Variants in ASB2 observed in about 807,000 individuals in gnomAD.
ASB2 encodes ankyrin repeat and SOCS box protein 2.
ASB2 carries 58 observed loss-of-function variants against 62.4 expected under a neutral mutation model. That is an observed-to-expected ratio of 0.93 (90% CI 0.75 to 1.16). The LOEUF (loss-of-function observed/expected upper bound fraction) is 1.16. Among genes scored for constraint, ASB2 ranks in the 50% most tolerant of loss-of-function variants. The probability of loss-of-function intolerance (pLI) is 0.00; values close to 1 mark genes in which losing one functional copy is unlikely to be tolerated. For synonymous variants in ASB2, 386 were observed against 385.3 expected (o/e 1.00, Z -0.02); for missense variants, 928 against 887.9 (o/e 1.05, Z -0.57).
intron 1 of ASB2, among the ~76,000 whole-genome samples, chr14:93,969,214 C>T (rs1889683356): frequency 6.6e-6 from 1 of 152,208 alleles, no homozygotes. Context: ...AGGAAACTCC[C>T]TGTCCCTGAA....
chr14:93,934,807 G>C lies in ASB2; in HGVS notation c.1772-15C>G. 2 of 1,609,046 alleles carry C rather than the reference G, an allele frequency of 1.2e-6. No individual in the cohort carries two copies. The highest frequency in any genetic ancestry group is 1.7e-6 in the Non-Finnish European group (2 of 1,175,470). On this transcript the variant is annotated splice_polypyrimidine_tract_variant and intron_variant, in intron 9 of 9. Transcript: ENST00000555019. ...TCTTGGAGGTTCTGAAAAAAGGAGG[G>C]AAAGACAGAGGCTGATTTGTCATTT...
intron 4 of ASB2, among the ~76,000 whole-genome samples, chr14:93,953,938 G>A (rs962608860): frequency 8.5e-5 from 13 of 152,172 alleles, no homozygotes; most frequent in East Asian, 3.9e-4. Context: ...GAGGAGGCAC[G>A]GCTGTCCCGC....
rs150874348 is a variant in ASB2, at chr14:93,973,533, G to A, written c.-74+2901C>T. On this transcript the variant is annotated intron_variant, in intron 1 of 9. Coordinates refer to ENST00000555019, the MANE Select transcript of ASB2 (RefSeq NM_001202429.2). ...TGCACAGGACATGCCCACTACCTGC[G>A]GCAGTGCCCACACCACCAGCTAAGA... is the stretch of plus-strand genomic sequence containing the variant. Among the ~76,000 whole-genome samples, 133 of 152,214 alleles carry A rather than the reference G, an allele frequency of 8.7e-4. 2 individuals are homozygous for A. The East Asian group carries it at 0.024, about 27-fold the overall frequency.
chr14:93,956,656 A>G lies in ASB2; in HGVS notation c.311+110T>C. 2.7e-6 allele frequency: 4 copies of G among 1,458,142 alleles called. No individual in the cohort carries two copies. In the East Asian group the frequency reaches 6.9e-5, roughly 25 times the overall value. 90.3% of individuals were successfully genotyped at this position (1,458,142 alleles called of 1,614,324 possible). On this transcript the variant is annotated intron_variant, in intron 3 of 9. Coordinates refer to ENST00000555019, the MANE Select transcript of ASB2 (RefSeq NM_001202429.2). ...AGGAGCGTGCCTGGCAGGTGCCTCCATAGTGCCCTCTGCCCTCCTGGGGGC... is the reference window on the plus strand; with the variant it reads ...AGGAGCGTGCCTGGCAGGTGCCTCCGTAGTGCCCTCTGCCCTCCTGGGGGC...
chr14:93,941,280 C>T (rs999296957), intron 7 of ASB2: 1 of 249,106 alleles, frequency 4.0e-6, no homozygotes, highest in African/African-American at 2.3e-5. Context: ...TGACAGGTGA[C>T]CTCACAGCCT....
rs960949800 is a variant in ASB2, at chr14:93,934,451, T to C, written c.*205A>G. ...GCTCATCAGTTTGTAAACAAATGAT[T>C]CTTCTCCTTGACACATTCTGTTCTC... On this transcript the variant is annotated 3_prime_UTR_variant, in exon 10 of 10. Transcript: ENST00000555019. 5 of 585,738 alleles carry C rather than the reference T, an allele frequency of 8.5e-6. No homozygotes were observed. The highest frequency in any genetic ancestry group is 1.5e-5 in the Non-Finnish European group (5 of 329,126). The allele number at this position is 585,738 out of a possible 1,614,324, so 36.3% of individuals were successfully genotyped here. A position where few individuals can be genotyped will look rare whatever the true frequency, so the allele number is the denominator to read the frequency against.
intron 7 of ASB2, among the ~76,000 whole-genome samples, chr14:93,944,386 C>G (rs970229146): frequency 6.6e-6 from 1 of 152,240 alleles, no homozygotes; most frequent in African/African-American, 2.4e-5. Flanking sequence ...TCAGCACACC[C>G]GCATGTCACC....
chr14:93,939,949 A>C, intron 7 of ASB2: 1 of 401,100 alleles, frequency 2.5e-6, no homozygotes, highest in Non-Finnish European at 4.4e-6. Context: ...TAAGGGGCAG[A>C]GCTGGGCTTC....
At chr14:93,940,121 A>C in intron 7 of ASB2, 2 of 160,196 alleles carry the variant, frequency 1.2e-5, no homozygotes, top group Non-Finnish European at 2.7e-5. Flanking sequence ...CCCAAACCCA[A>C]TGAATGTCCA....
At chr14:93,961,571 T>C (rs1889408700) in intron 2 of ASB2, among the ~76,000 whole-genome samples, 1 of 151,248 alleles carries the variant, frequency 6.6e-6, no homozygotes, top group South Asian at 2.1e-4. Context: ...CCCGGGAGAG[T>C]GGTCAGGGCA....
In ASB2 at chr14:93,956,834, G is replaced by A. The variant is rs747181826; in HGVS notation, c.243C>T (p.Ala81=). Residue 81 remains alanine, a synonymous_variant, in exon 3 of 10, where the codon GCC becomes GCT. Transcript: ENST00000555019. ...TGACCCCTTGGAACAAGCCCATTGGGGCCCGGGCCGGCGAACTCTCAGGAG... is the reference window on the plus strand; with the variant it reads ...TGACCCCTTGGAACAAGCCCATTGGAGCCCGGGCCGGCGAACTCTCAGGAG... ...TAPPESSPAR[A]PMGLFQGVMQ... is the part of the protein sequence containing the mutation. 12 of 1,614,066 alleles carry A rather than the reference G, an allele frequency of 7.4e-6. No individual in the cohort carries two copies. The highest frequency in any genetic ancestry group is 1.3e-5 in the African/African-American group (1 of 74,920).
intron 2 of ASB2, among the ~76,000 whole-genome samples, chr14:93,962,117 T>TG (rs1391020573): frequency 9.3e-6 from 1 of 107,906 alleles, no homozygotes; most frequent in East Asian, 3.5e-4. Context: ...CTTTTTTTTT[T>TG]TTTTTTTTTT....
intron 7 of ASB2, chr14:93,940,266 C>G (rs1198957305): frequency 1.3e-5 from 2 of 152,516 alleles, no homozygotes; most frequent in Admixed American, 6.5e-5. Flanking sequence ...AAAGGCTTTA[C>G]AAGTGCGATT....
intron 5 of ASB2, 66 bp downstream of exon 5, chr14:93,953,286 T>G: frequency 2.2e-6 from 3 of 1,394,274 alleles, no homozygotes; most frequent in Non-Finnish European, 2.9e-6. Flanking sequence ...GGAGCAACAT[T>G]CCCTGTTGCT....
In ASB2 at chr14:93,934,715, C is replaced by T; in HGVS notation, c.1849G>A (p.Asp617Asn). The change falls in exon 10 of 10, where the codon GAC (aspartate) becomes AAC (asparagine). Residue 617 changes from aspartate (D) to asparagine (N), a missense_variant. Transcript: ENST00000555019. Reference protein sequence around the residue: ...AIGKYRIKLLDTLPLPGRLIR... With the variant: ...AIGKYRIKLLNTLPLPGRLIR... The stretch of plus-strand genomic sequence containing the variant: ...AGCCTGCCTGGGAGCGGCAAGGTGT[C>T]TAGGAGTTTTATACGGTATTTCCCA... 6.2e-7 allele frequency: 1 copy of T among 1,614,104 alleles called. No individual in the cohort carries two copies. The highest frequency in any genetic ancestry group is 8.5e-7 in the Non-Finnish European group (1 of 1,179,992).
rs549805043 is a variant in ASB2 at position 93,974,992 on chromosome 14, G to T, written c.-74+1442C>A. On this transcript the variant is annotated intron_variant, in intron 1 of 9. Transcript: ENST00000555019. ...GCAAACCAGCATGGCACCCAGCGGAGCTGCTGCCAGCTTCTTGGGGACGCT... is the reference window on the plus strand; with the variant it reads ...GCAAACCAGCATGGCACCCAGCGGATCTGCTGCCAGCTTCTTGGGGACGCT... 1.2e-4 allele frequency among the ~76,000 whole-genome samples: 19 copies of T among 152,360 alleles called. 1 individual carries two copies. In the South Asian group the frequency reaches 3.9e-3, roughly 32 times the overall value.
intron 6 of ASB2, 63 bp downstream of exon 6, chr14:93,950,936 C>A: frequency 6.4e-7 from 1 of 1,556,438 alleles, no homozygotes; most frequent in South Asian, 1.2e-5. Context: ...TAGAGCTGAC[C>A]TCTGACATCC....
chr14:93,955,266 G>A (rs188459438), intron 3 of ASB2: 49 of 419,534 alleles, frequency 1.2e-4, no homozygotes, highest in Admixed American at 3.2e-4. Flanking sequence ...GGCTAGGATG[G>A]GCTCTGGGCG....
At chr14:93,942,673 A>G (rs566403396) in intron 7 of ASB2, among the ~76,000 whole-genome samples, 28 of 152,342 alleles carry the variant, frequency 1.8e-4, no homozygotes, top group African/African-American at 6.5e-4. Flanking sequence ...AGCCAACGCA[A>G]GCTGTCCTTA....
Sources: gnomAD v4.1 joint callset for allele counts (sites outside exome capture counted in the v4.1 genomes callset) on GRCh38, gnomAD v4.1.1 for gene constraint, MANE v1.5 for transcripts, NCBI Gene and HGNC (gene_info 2026-07-23, HGNC 2026-07-21) for gene names.